AFG3L2: variants seen among roughly 807,000 people sequenced by gnomAD.
AFG3L2 encodes the protein mitochondrial inner membrane m-AAA protease component AFG3L2.
AFG3L2 carries 54 observed loss-of-function variants against 94.5 expected under a neutral mutation model. The ratio of observed to expected loss-of-function variants is 0.57; its 90% CI spans 0.46 to 0.72. The LOEUF (loss-of-function observed/expected upper bound fraction) is 0.72, where lower values mean the gene tolerates loss of function less well. Ranked by LOEUF, AFG3L2 falls within the 30% of genes least tolerant of loss-of-function variation. The pLI, the probability that AFG3L2 is intolerant of heterozygous loss-of-function variation, is 0.00. For missense variants in AFG3L2, 754 were observed against 994.9 expected, an observed-to-expected ratio of 0.76 and a Z score of 3.26; for synonymous variants, 377 against 365.5, an observed-to-expected ratio of 1.03 and a Z score of -0.36.
intron 14 of AFG3L2, chr18:12,343,267 A>G (rs544123536): frequency 1.3e-5 from 2 of 152,290 alleles, no homozygotes; most frequent in South Asian, 4.1e-4. Flanking sequence ...CAGAAATACA[A>G]TTGGTCTTTG....
intron 12 of AFG3L2, among the ~76,000 whole-genome samples, chr18:12,349,868 G>C (rs962449284): frequency 1.3e-5 from 2 of 151,894 alleles, no homozygotes; most frequent in Non-Finnish European, 2.9e-5. Context: ...CGCCTCATTG[G>C]CCAGGCTGGT....
chr18:12,359,076 A>G, intron 7 of AFG3L2, 133 bp from the exon 8 acceptor site: 1 of 1,315,972 alleles, frequency 7.6e-7, no homozygotes, highest in Non-Finnish European at 1.1e-6. Context: ...AAAGGAGGGT[A>G]ACTTGCAAGT....
At chr18:12,349,804 G>C (rs1368659100) in intron 12 of AFG3L2, among the ~76,000 whole-genome samples, 1 of 151,798 alleles carries the variant, frequency 6.6e-6, no homozygotes, top group Non-Finnish European at 1.5e-5. Context: ...TGGGATTACA[G>C]CACCCCCACC....
In AFG3L2 at chr18:12,377,099, C is replaced by A; in HGVS notation, c.-17G>T. 1.4e-6 allele frequency: 2 copies of A among 1,395,052 alleles called. No homozygotes were observed. The highest frequency in any genetic ancestry group is 1.5e-5 in the South Asian group (1 of 68,532). 86.4% of individuals were successfully genotyped at this position (1,395,052 alleles called of 1,614,324 possible). ...GTGCGCCATGGCCGCCGCCGTGGCC[C>A]TCTCGGCCCGGGACGCTGCGCAGGC... On this transcript the variant is annotated 5_prime_UTR_variant, in exon 1 of 17. The change creates a new upstream start codon in the 5' untranslated region. Coordinates refer to ENST00000269143, the MANE Select transcript of AFG3L2 (RefSeq NM_006796.3).
intron 16 of AFG3L2, among the ~76,000 whole-genome samples, chr18:12,333,545 A>G (rs1907652799): frequency 6.6e-6 from 1 of 151,076 alleles, no homozygotes. Context: ...TTATATTTTT[A>G]GTACAAACAG....
At chr18:12,337,007 A>G in intron 16 of AFG3L2, 1 of 515,982 alleles carries the variant, frequency 1.9e-6, no homozygotes, top group South Asian at 3.8e-5. Flanking sequence ...CACAATGGTA[A>G]ACCAGGCAAT....
intron 13 of AFG3L2, among the ~76,000 whole-genome samples, chr18:12,346,666 G>C (rs1334166162): frequency 6.6e-6 from 1 of 152,150 alleles, no homozygotes; most frequent in Non-Finnish European, 1.5e-5. Flanking sequence ...CACTTTGGGA[G>C]GCCGAGGCAG....
intron 16 of AFG3L2, among the ~76,000 whole-genome samples, chr18:12,330,714 GTT>G (rs1907494981): frequency 6.6e-6 from 1 of 151,738 alleles, no homozygotes; most frequent in African/African-American, 2.4e-5. Flanking sequence ...GGAGGCAGAG[GTT>G]GCAGTGAGCC....
intron 13 of AFG3L2, among the ~76,000 whole-genome samples, chr18:12,347,326 T>C (rs1358323610): frequency 6.6e-6 from 1 of 152,152 alleles, no homozygotes; most frequent in Non-Finnish European, 1.5e-5. Context: ...CCCAGTTTCA[T>C]CCTGAGCCTG....
At chr18:12,354,574 T>A (rs918976055) in intron 9 of AFG3L2, among the ~76,000 whole-genome samples, 1 of 152,158 alleles carries the variant, frequency 6.6e-6, no homozygotes. Flanking sequence ...GGTCTCTCAG[T>A]TCCCTGACCA....
At chr18:12,329,826 A>G (rs138768419) in intron 16 of AFG3L2, 43 bp from the exon 17 acceptor site, 1 of 1,525,954 alleles carries the variant, frequency 6.6e-7, no homozygotes, top group African/African-American at 1.4e-5. Context: ...TACTCAGCAA[A>G]GTCTATTCAG....
intron 16 of AFG3L2, among the ~76,000 whole-genome samples, chr18:12,330,418 A>G (rs1907484907): frequency 6.6e-6 from 1 of 152,064 alleles, no homozygotes; most frequent in Non-Finnish European, 1.5e-5. Flanking sequence ...CAAGATGTTC[A>G]GTGTGCACAG....
At chr18:12,333,580 G>A (rs1907653726) in intron 16 of AFG3L2, among the ~76,000 whole-genome samples, 1 of 151,652 alleles carries the variant, frequency 6.6e-6, no homozygotes, top group Non-Finnish European at 1.5e-5. Context: ...GCCCAGGCTA[G>A]TCTCGAATTC....
chr18:12,364,382 C>A (rs900102178), intron 5 of AFG3L2, among the ~76,000 whole-genome samples: 26 of 152,272 alleles, frequency 1.7e-4, no homozygotes, highest in African/African-American at 6.3e-4. Flanking sequence ...CCTTTGTGGG[C>A]ACATCTTAAA....
At chr18:12,358,039 G>C (rs1908547697) in intron 8 of AFG3L2, among the ~76,000 whole-genome samples, 1 of 152,018 alleles carries the variant, frequency 6.6e-6, no homozygotes. Context: ...TCTTTCAAAG[G>C]ATTCCTTTAA....
At chr18:12,331,826 T>A (rs1435656769) in intron 16 of AFG3L2, among the ~76,000 whole-genome samples, 11 of 2,226 alleles carry the variant, frequency 4.9e-3, no homozygotes, top group Non-Finnish European at 7.5e-3. Flanking sequence ...TATATATATA[T>A]ATATATATAT....
intron 16 of AFG3L2, among the ~76,000 whole-genome samples, chr18:12,331,858 T>TAAAA (rs1907542871): frequency 5.7e-5 from 3 of 52,866 alleles, no homozygotes; most frequent in African/African-American, 1.7e-4. Context: ...TATATATATA[T>TAAAA]ATAAAACAAG....
Position 12,346,214 on chromosome 18 carries a change from G to A in AFG3L2, c.1664-1967C>T, listed in dbSNP as rs1908130495. Among the ~76,000 whole-genome samples the A allele has an allele frequency of 3.3e-5, 5 of 152,122 alleles. No individual in the cohort carries two copies. The South Asian group carries it at 1.0e-3, about 32-fold the overall frequency. ...CACCATGAGCACGGGTGACCTTGCT[G>A]ACTCACCTTTCTCTCCTCTTACCAA... On this transcript the variant is annotated intron_variant, in intron 13 of 16. Transcript: ENST00000269143.
At chr18:12,346,935 G>A (rs1293707929) in intron 13 of AFG3L2, among the ~76,000 whole-genome samples, 8 of 140,706 alleles carry the variant, frequency 5.7e-5, no homozygotes, top group Non-Finnish European at 1.2e-4. Flanking sequence ...AAAGGAGTTA[G>A]AGACCAGCCT....
Sources: allele counts gnomAD v4.1 joint callset (sites outside exome capture counted in the v4.1 genomes callset), GRCh38; gene constraint gnomAD v4.1.1; transcripts MANE v1.5; gene names NCBI Gene and HGNC (gene_info 2026-07-23, HGNC 2026-07-21).